Variants in NREP observed in about 807,000 individuals in gnomAD.
The protein encoded by NREP is neuronal regeneration-related protein.
Under a neutral mutation model 8.6 loss-of-function variants are expected in NREP, and 5 were observed. The observed-to-expected ratio is 0.58, with a 90% confidence interval of 0.30 to 1.22. The LOEUF is 1.22. Among genes scored for constraint, NREP ranks in the 50% most tolerant of loss-of-function variants. The pLI is 0.07. For synonymous variants in NREP, 27 were observed against 28.0 expected (o/e 0.96, Z 0.11); for missense variants, 86 against 82.5 (o/e 1.04, Z -0.17).
At chr5:111,815,741 A>G (rs1419131350) in intron 2 of NREP, among the ~76,000 whole-genome samples, 3 of 152,172 alleles carry the variant, frequency 2.0e-5, no homozygotes, top group African/African-American at 4.8e-5. Context: ...CGGAAAATAC[A>G]TAACAAGCCA....
chr5:111,823,360 T>C (rs1752551872), intron 2 of NREP, among the ~76,000 whole-genome samples: 1 of 152,180 alleles, frequency 6.6e-6, no homozygotes, highest in Non-Finnish European at 1.5e-5. Flanking sequence ...TACAGCACCA[T>C]ACATGTTTGC....
chr5:111,805,956 G>A (rs146979330), intron 2 of NREP, among the ~76,000 whole-genome samples: 1 of 151,442 alleles, frequency 6.6e-6, no homozygotes, highest in East Asian at 1.9e-4. Flanking sequence ...ACAAAGTAAT[G>A]GGTATGTTAA....
At chr5:111,882,955 G>A (rs1452445160) in intron 2 of NREP, among the ~76,000 whole-genome samples, 2 of 152,172 alleles carry the variant, frequency 1.3e-5, no homozygotes, top group Non-Finnish European at 2.9e-5. Context: ...CATAATGACA[G>A]GATCAAATTC....
intron 2 of NREP, among the ~76,000 whole-genome samples, chr5:111,945,357 G>A (rs1755947427): frequency 6.6e-6 from 1 of 151,640 alleles, no homozygotes; most frequent in Non-Finnish European, 1.5e-5. Context: ...ATGTATACAT[G>A]TGCCATGTTG....
intron 2 of NREP, among the ~76,000 whole-genome samples, chr5:111,957,032 T>A (rs1207177443): frequency 1.3e-5 from 2 of 150,632 alleles, no homozygotes; most frequent in African/African-American, 4.9e-5. Flanking sequence ...TACAGTAGAG[T>A]GATATTTCAG....
chr5:111,757,858 G>A, upstream of NREP: 1 of 975,694 alleles, frequency 1.0e-6, no homozygotes, highest in East Asian at 1.1e-4. Flanking sequence ...GGCGCGCCAA[G>A]CGTGAAGGCG....
chr5:111,858,331 CT>C (rs1332281235), intron 2 of NREP, among the ~76,000 whole-genome samples: 1 of 152,044 alleles, frequency 6.6e-6, no homozygotes, highest in African/African-American at 2.4e-5. Context: ...TTTCCTTTTA[CT>C]TTTCTCTCCC....
chr5:111,829,127 A>G (rs1414540155), intron 2 of NREP, among the ~76,000 whole-genome samples: 1 of 152,164 alleles, frequency 6.6e-6, no homozygotes, highest in Non-Finnish European at 1.5e-5. Flanking sequence ...ATATAATTCT[A>G]TGTGGCTAGA....
intron 2 of NREP, among the ~76,000 whole-genome samples, chr5:111,947,464 T>C (rs767443095): frequency 3.3e-5 from 5 of 152,012 alleles, no homozygotes; most frequent in Non-Finnish European, 7.4e-5. Context: ...TTTACATTTA[T>C]ATATAAATTG....
intron 2 of NREP, among the ~76,000 whole-genome samples, chr5:111,946,237 A>C (rs1755979840): frequency 6.6e-6 from 1 of 152,014 alleles, no homozygotes; most frequent in Non-Finnish European, 1.5e-5. Context: ...CTTTCTAAAA[A>C]AAAAAAAATG....
At chr5:111,875,840 G>T (rs116285906) in intron 2 of NREP, among the ~76,000 whole-genome samples, 1 of 152,122 alleles carries the variant, frequency 6.6e-6, no homozygotes, top group Non-Finnish European at 1.5e-5. Context: ...CAAAGAGTGA[G>T]GTTAAGAGCA....
chr5:111,824,827 G>T (rs1339432569), intron 2 of NREP, among the ~76,000 whole-genome samples: 1 of 152,152 alleles, frequency 6.6e-6, no homozygotes, highest in Non-Finnish European at 1.5e-5. Context: ...ATGTAGCCTT[G>T]AGTGCATAGG....
At chr5:111,975,544 C>G (rs573740267) in intron 1 of NREP, among the ~76,000 whole-genome samples, 2 of 152,092 alleles carry the variant, frequency 1.3e-5, no homozygotes, top group East Asian at 1.9e-4. Flanking sequence ...TCCATGAAGA[C>G]TCTTTTGAGA....
intron 2 of NREP, among the ~76,000 whole-genome samples, chr5:111,928,586 C>T (rs1561351701): frequency 6.6e-6 from 1 of 152,136 alleles, no homozygotes; most frequent in Non-Finnish European, 1.5e-5. Context: ...GTTGCCCCCT[C>T]TAATATTTTT....
chr5:111,837,183 C>T (rs1211762695), intron 2 of NREP, among the ~76,000 whole-genome samples: 2 of 151,958 alleles, frequency 1.3e-5, no homozygotes, highest in Non-Finnish European at 2.9e-5. Context: ...ACAGAAGATC[C>T]TAGTTTCTAA....
chr5:111,819,556 T>G (rs891236594), intron 2 of NREP, among the ~76,000 whole-genome samples: 4 of 152,202 alleles, frequency 2.6e-5, no homozygotes, highest in African/African-American at 9.7e-5. Context: ...TCTAACATAT[T>G]CTATGAAGTT....
chr5:111,817,938 A>G (rs950454858), intron 2 of NREP, among the ~76,000 whole-genome samples: 2 of 152,172 alleles, frequency 1.3e-5, no homozygotes, highest in Non-Finnish European at 2.9e-5. Context: ...ACACATAAAC[A>G]TAATATTTTC....
chr5:111,756,311 A>AAACCT, intron 1 of NREP: 2 of 299,002 alleles, frequency 6.7e-6, no homozygotes, highest in Non-Finnish European at 9.1e-6. Flanking sequence ...AAAAAAAAAA[A>AAACCT]ACCCTACACG....
At chr5:111,877,320 C>T (rs1581182905) in intron 2 of NREP, among the ~76,000 whole-genome samples, 2 of 152,192 alleles carry the variant, frequency 1.3e-5, no homozygotes, top group South Asian at 2.1e-4. Flanking sequence ...TTCATTCTTT[C>T]TCCAATAATT....
Sources: allele counts gnomAD v4.1 joint callset (sites outside exome capture counted in the v4.1 genomes callset), GRCh38; gene constraint gnomAD v4.1.1; transcripts MANE v1.5; gene names NCBI Gene and HGNC (gene_info 2026-07-23, HGNC 2026-07-21).